The following DMD variants were observed in gnomAD, a reference collection of about 807,000 sequenced individuals.
DMD encodes dystrophin, also known as mutant dystrophin.
DMD carries 63 observed loss-of-function variants against 330.1 expected under a neutral mutation model. The ratio of observed to expected loss-of-function variants is 0.19; its 90% CI spans 0.16 to 0.24. The LOEUF is 0.24. Among genes scored for constraint, DMD ranks in the 10% least tolerant of loss-of-function variants. The pLI is 1.00. For missense variants in DMD, 3,344 were observed against 2,684.1 expected, an observed-to-expected ratio of 1.25 and a Z score of -5.43; for synonymous variants, 1,223 against 959.8, an observed-to-expected ratio of 1.27 and a Z score of -5.07.
intron 9 of DMD, among the ~76,000 whole-genome samples, chrX:32,670,105 A>C (rs1413638304): frequency 8.9e-6 from 1 of 111,826 alleles, no homozygotes; most frequent in Non-Finnish European, 1.9e-5. Flanking sequence ...TGCTAAGCCA[A>C]GATTTATGAA....
chrX:31,842,539 C>T (rs764134620), intron 48 of DMD, among the ~76,000 whole-genome samples: 121 of 111,346 alleles, frequency 1.1e-3, no homozygotes, highest in African/African-American at 3.8e-3. Context: ...TAGCAAACCT[C>T]ATGGTTGTTT....
Position 32,697,936 on chromosome X carries a change from G to C in DMD, c.894C>G (p.Ser298Arg). ...CATAAGCAGCCTGTGTGTAGGCATAGCTCTTGAATCGAGGCTTAGGGGAAG... is the reference window on the plus strand; with the variant it reads ...CATAAGCAGCCTGTGTGTAGGCATACCTCTTGAATCGAGGCTTAGGGGAAG... Reference protein sequence around the residue: ...RTSSPKPRFKSYAYTQAAYVT... With the variant: ...RTSSPKPRFKRYAYTQAAYVT... The change falls in exon 9 of 79, where the codon AGC becomes AGG. Residue 298 changes from serine to arginine, a missense_variant. Ser to Arg is a moderately radical substitution (Grantham distance 110). Coordinates refer to ENST00000357033, the MANE Select transcript of DMD (RefSeq NM_004006.3). 1 of 1,208,209 alleles carries C rather than the reference G, an allele frequency of 8.3e-7. No individual in the cohort carries two copies. Among genetic ancestry groups the C allele is most frequent in the Non-Finnish European group, 1.1e-6 (1 of 893,717 alleles).
At position 33,239,889 on chromosome X, in the gene DMD, T is replaced by A. The variant is rs760192464; in HGVS notation, c.7+99370A>T. On this transcript the variant is annotated intron_variant, in intron 1 of 17. Transcript: ENST00000288447. The stretch of plus-strand genomic sequence containing the variant: ...TGTCATACGTGGAAAATTGGACATA[T>A]AAGTATTTAATGCAAACTTTTTTTC... Among the ~76,000 whole-genome samples the A allele has an allele frequency of 5.4e-5, 6 of 111,804 alleles. No individual in the cohort carries two copies. In the South Asian group the frequency reaches 2.2e-3, roughly 42 times the overall value.
At chrX:31,213,279 T>G (rs144371058) in intron 64 of DMD, among the ~76,000 whole-genome samples, 538 of 112,895 alleles carry the variant, frequency 4.8e-3, no homozygotes, top group Non-Finnish European at 8.1e-3. Context: ...CTTTTCAAAG[T>G]GACTTACTGT....
rs1335534133 is a variant in DMD at position 32,485,069 on chromosome X, G to T, written c.2653C>A (p.Pro885Thr). 8.3e-7 allele frequency: 1 copy of T among 1,210,978 alleles called. No homozygotes were observed. The highest frequency in any genetic ancestry group is 3.0e-5 in the East Asian group (1 of 33,810). The change falls in exon 21 of 79, where the codon CCT becomes ACT. Residue 885 changes from proline (P) to threonine (T), a missense_variant. Pro to Thr is a conservative substitution (Grantham distance 38). Transcript: ENST00000357033. ...TGAATTTTTAATCGTTCAATTTGAG[G>T]TTGAAGATCTGATAGCCGGTTGACT... ...DEVNRLSDLQ[P>T]QIERLKIQSI...
chrX:33,051,249 T>C (rs1330456670), intron 1 of DMD, among the ~76,000 whole-genome samples: 1 of 103,346 alleles, frequency 9.7e-6, no homozygotes, highest in Non-Finnish European at 2.0e-5. Context: ...TCTCCCTCTA[T>C]CGCCCAGGCT....
chrX:32,413,928 C>T (rs2098155523), intron 29 of DMD, among the ~76,000 whole-genome samples: 1 of 109,466 alleles, frequency 9.1e-6, no homozygotes, highest in African/African-American at 3.3e-5. Context: ...ACCAATTTGC[C>T]CAGGCTGGTC....
intron 7 of DMD, among the ~76,000 whole-genome samples, chrX:32,741,158 A>G (rs758971620): frequency 3.6e-5 from 4 of 111,727 alleles, no homozygotes; most frequent in Admixed American, 9.6e-5. Flanking sequence ...TAACGCAAGA[A>G]AAATCTGATG....
chrX:32,731,581 C>T (rs2067657733), intron 7 of DMD, among the ~76,000 whole-genome samples: 1 of 112,349 alleles, frequency 8.9e-6, no homozygotes, highest in South Asian at 3.7e-4. Flanking sequence ...GGGCAGACTG[C>T]CTCCTCAAGT....
intron 56 of DMD, among the ~76,000 whole-genome samples, chrX:31,498,059 GAAATTAAA>G (rs1400866017): frequency 8.9e-6 from 1 of 111,916 alleles, no homozygotes; most frequent in Non-Finnish European, 1.9e-5. Flanking sequence ...CTTATCTACT[GAAATTAAA>G]TTGTTCCAAA....
chrX:31,422,045 T>A (rs374904042), intron 60 of DMD, among the ~76,000 whole-genome samples: 204 of 10,985 alleles, frequency 0.019, 4 homozygotes, highest in South Asian at 0.041. Context: ...ATATATATAT[T>A]TTTTTTTTTC....
At chrX:31,762,546 C>T (rs1411940814) in intron 51 of DMD, among the ~76,000 whole-genome samples, 1 of 111,214 alleles carries the variant, frequency 9.0e-6, no homozygotes, top group South Asian at 3.8e-4. Context: ...TCCAGCCTGG[C>T]GACAGAGACT....
intron 1 of DMD, among the ~76,000 whole-genome samples, chrX:33,172,174 A>C: frequency 9.0e-6 from 1 of 111,023 alleles, no homozygotes; most frequent in Admixed American, 9.7e-5. Context: ...GAGGTGTGGT[A>C]ACTTGGGAAA....
At chrX:31,171,214 A>C (rs1174968000) in intron 73 of DMD, among the ~76,000 whole-genome samples, 1 of 111,984 alleles carries the variant, frequency 8.9e-6, no homozygotes, top group Admixed American at 9.4e-5. Context: ...GTTTGTTTGA[A>C]GGAAGTAAGT....
chrX:32,485,497 A>G (rs893118576), intron 20 of DMD, among the ~76,000 whole-genome samples: 1 of 110,352 alleles, frequency 9.1e-6, no homozygotes, highest in East Asian at 2.8e-4. Context: ...TCAATGAACA[A>G]TATTTTCTCT....
intron 54 of DMD, among the ~76,000 whole-genome samples, chrX:31,628,992 TATA>T (rs1313363758): frequency 9.4e-6 from 1 of 106,276 alleles, no homozygotes; most frequent in African/African-American, 3.4e-5. Context: ...CAAATATCTA[TATA>T]ATAATAGCTT....
rs539123695 is a variant in DMD at position 31,791,009 on chromosome X, C to T, written c.7310-16817G>A. ...ACATGTTTGTGGGTAATGCATCACT[C>T]CTTTGATTCACAGACAACACTTGAG... is the stretch of plus-strand genomic sequence containing the variant. On this transcript the variant is annotated intron_variant, in intron 50 of 78. Coordinates refer to ENST00000357033, the MANE Select transcript of DMD (RefSeq NM_004006.3). Among the ~76,000 whole-genome samples the T allele has an allele frequency of 5.4e-5, 6 of 111,755 alleles. No individual in the cohort carries two copies. In the South Asian group the frequency reaches 1.9e-3, roughly 35 times the overall value.
chrX:31,190,285 A>G (rs894641704), intron 67 of DMD, among the ~76,000 whole-genome samples: 3 of 111,349 alleles, frequency 2.7e-5, no homozygotes, highest in Non-Finnish European at 5.6e-5. Flanking sequence ...AGTTTACATA[A>G]GCTGCTTGGA....
intron 51 of DMD, among the ~76,000 whole-genome samples, chrX:31,738,932 G>A (rs1461918030): frequency 1.8e-5 from 2 of 111,875 alleles, no homozygotes; most frequent in Non-Finnish European, 3.8e-5. Context: ...AGGATGGGAA[G>A]GGTCGTGGGG....
Sources: gnomAD v4.1 joint callset for allele counts (sites outside exome capture counted in the v4.1 genomes callset) on GRCh38, gnomAD v4.1.1 for gene constraint, MANE v1.5 for transcripts, NCBI Gene and HGNC (gene_info 2026-07-23, HGNC 2026-07-21) for gene names.